Variants in POU6F2 observed in about 807,000 individuals in gnomAD.
POU6F2 encodes the protein POU domain, class 6, transcription factor 2.
POU6F2 carries 31 observed loss-of-function variants against 71.3 expected under a neutral mutation model. The ratio of observed to expected loss-of-function variants is 0.43; its 90% CI spans 0.33 to 0.59. The LOEUF is 0.59. Among genes scored for constraint, POU6F2 ranks in the 20% least tolerant of loss-of-function variants. The pLI, the probability that POU6F2 is intolerant of heterozygous loss-of-function variation, is 0.04. For missense variants in POU6F2, 783 were observed against 856.8 expected (o/e 0.91, Z 1.07); for synonymous variants, 347 against 355.7 (o/e 0.98, Z 0.27).
chr7:39,051,257 G>A (rs1329436822), intron 1 of POU6F2, among the ~76,000 whole-genome samples: 1 of 152,086 alleles, frequency 6.6e-6, no homozygotes, highest in African/African-American at 2.4e-5. Context: ...ACACCAAGGG[G>A]CAAAGCTGAT....
Position 39,451,608 on chromosome 7 carries a change from G to T in POU6F2, c.1396G>T (p.Ala466Ser). ...CCTTCTGCACCTGGCTCACAGCCAA[G>T]CATCCATGTCTCAAAGTCCCGTCCG... is the stretch of plus-strand genomic sequence containing the variant. Reference protein sequence around the residue: ...GNLLHLAHSQASMSQSPVRQA... With the variant: ...GNLLHLAHSQSSMSQSPVRQA... Residue 466 changes from alanine to serine, a missense_variant, in exon 8 of 10, where the codon GCA (alanine) becomes TCA (serine). Physicochemically the swap from Ala to Ser is moderately conservative, Grantham distance 99. Transcript: ENST00000518318. The T allele has an allele frequency of 1.2e-6, 2 of 1,613,776 alleles. No individual in the cohort carries two copies. The highest frequency in any genetic ancestry group is 1.7e-6 in the Non-Finnish European group (2 of 1,179,784).
At chr7:39,276,604 T>C (rs1784444399) in intron 4 of POU6F2, among the ~76,000 whole-genome samples, 1 of 151,444 alleles carries the variant, frequency 6.6e-6, no homozygotes, top group Non-Finnish European at 1.5e-5. Flanking sequence ...CATGCACACG[T>C]ATGTTTATTG....
At chr7:39,005,850 T>C (rs146910466) in intron 1 of POU6F2, among the ~76,000 whole-genome samples, 50 of 152,268 alleles carry the variant, frequency 3.3e-4, no homozygotes, top group Middle Eastern at 3.4e-3. Context: ...CCAGAAACAA[T>C]TGGACCTTTT....
At chr7:39,404,734 A>G (rs1419731773) in intron 5 of POU6F2, 1 of 152,184 alleles carries the variant, frequency 6.6e-6, no homozygotes. Context: ...ACCAATGGGC[A>G]GTGTCTGTAC....
Position 39,221,437 on chromosome 7 carries a change from C to A in POU6F2, c.598+13817C>A, listed in dbSNP as rs558431356. 3.0e-5 allele frequency among the ~76,000 whole-genome samples: 4 copies of A among 131,302 alleles called. No individual in the cohort carries two copies. In the South Asian group the frequency reaches 1.0e-3, roughly 33 times the overall value. 86.1% of individuals were successfully genotyped at this position (131,302 alleles called of 152,430 possible). Reference sequence around the variant, plus strand: ...ACAGTGTCTCGCTCTGTCCTCCAGACTGGAGTGCGGTGGCATGATCTCAGC... The same window carrying A: ...ACAGTGTCTCGCTCTGTCCTCCAGAATGGAGTGCGGTGGCATGATCTCAGC... On this transcript the variant is annotated intron_variant, in intron 4 of 9. Coordinates refer to ENST00000518318, the MANE Select transcript of POU6F2 (RefSeq NM_001370959.1).
intron 4 of POU6F2, among the ~76,000 whole-genome samples, chr7:39,280,170 G>T (rs375214552): frequency 6.6e-6 from 1 of 152,172 alleles, no homozygotes; most frequent in Non-Finnish European, 1.5e-5. Context: ...AGGTACTGAC[G>T]TCAAGACTTC....
At chr7:38,995,822 T>G (rs951691770) in intron 1 of POU6F2, among the ~76,000 whole-genome samples, 2 of 152,220 alleles carry the variant, frequency 1.3e-5, no homozygotes, top group African/African-American at 4.8e-5. Context: ...ATGTAGAGAA[T>G]GAAGCACAGT....
intron 7 of POU6F2, among the ~76,000 whole-genome samples, chr7:39,438,545 A>C (rs546129947): frequency 6.6e-6 from 1 of 152,378 alleles, no homozygotes; most frequent in African/African-American, 2.4e-5. Context: ...ATCATTAAAA[A>C]GTCAGGAAAC....
chr7:38,983,610 C>T (rs1295226607), intron 1 of POU6F2, among the ~76,000 whole-genome samples: 2 of 152,052 alleles, frequency 1.3e-5, no homozygotes, highest in African/African-American at 4.8e-5. Flanking sequence ...CACTACATTT[C>T]AGTAAAGATT....
chr7:39,147,329 T>C (rs187204677), intron 2 of POU6F2, among the ~76,000 whole-genome samples: 10 of 152,300 alleles, frequency 6.6e-5, no homozygotes, highest in Non-Finnish European at 1.3e-4. Context: ...AAGTATAACA[T>C]AATCAAGTGA....
chr7:39,304,708 A>G (rs989715344), intron 4 of POU6F2, among the ~76,000 whole-genome samples: 7 of 152,234 alleles, frequency 4.6e-5, no homozygotes, highest in African/African-American at 1.4e-4. Context: ...GTACGCACAC[A>G]CAGCATTCCT....
intron 1 of POU6F2, among the ~76,000 whole-genome samples, chr7:39,016,565 T>C (rs1789553918): frequency 6.6e-6 from 1 of 152,132 alleles, no homozygotes; most frequent in Non-Finnish European, 1.5e-5. Context: ...CCCCCCCGCT[T>C]ACAGTTCAGT....
intron 4 of POU6F2, among the ~76,000 whole-genome samples, chr7:39,244,112 G>A (rs1373615912): frequency 1.3e-5 from 2 of 152,022 alleles, no homozygotes; most frequent in African/African-American, 4.8e-5. Flanking sequence ...GAGGAAGTGG[G>A]ACTACAAAAT....
At chr7:39,310,586 A>G (rs1785143608) in intron 4 of POU6F2, among the ~76,000 whole-genome samples, 1 of 152,242 alleles carries the variant, frequency 6.6e-6, no homozygotes, top group Non-Finnish European at 1.5e-5. Context: ...TAAAATTAAG[A>G]AAACACCATT....
intron 2 of POU6F2, among the ~76,000 whole-genome samples, chr7:39,189,257 A>T (rs1793607398): frequency 6.6e-6 from 1 of 152,252 alleles, no homozygotes; most frequent in Non-Finnish European, 1.5e-5. Context: ...GCCTGAAGAC[A>T]GACAAAAAAC....
intron 4 of POU6F2, among the ~76,000 whole-genome samples, chr7:39,288,901 A>G (rs1784697392): frequency 6.6e-6 from 1 of 152,212 alleles, no homozygotes; most frequent in African/African-American, 2.4e-5. Flanking sequence ...ACCAAGAGGT[A>G]TTCAAAGATT....
chr7:39,131,901 T>C (rs1364366590), intron 2 of POU6F2, among the ~76,000 whole-genome samples: 1 of 152,186 alleles, frequency 6.6e-6, no homozygotes, highest in Non-Finnish European at 1.5e-5. Flanking sequence ...TGTGTATCTT[T>C]ATGGGGTGCA....
chr7:38,987,119 CATAA>C (rs1474878772), intron 1 of POU6F2, among the ~76,000 whole-genome samples: 2 of 152,070 alleles, frequency 1.3e-5, no homozygotes, highest in African/African-American at 4.8e-5. Context: ...CAGAAGAACT[CATAA>C]ATAGTGTCTC....
At chr7:38,985,991 C>T (rs572424645) in intron 1 of POU6F2, among the ~76,000 whole-genome samples, 16 of 152,032 alleles carry the variant, frequency 1.1e-4, no homozygotes, top group Middle Eastern at 3.4e-3. Context: ...TTCCTAGTGA[C>T]GAAAGAATTT....
Sources: allele counts gnomAD v4.1 joint callset (sites outside exome capture counted in the v4.1 genomes callset), GRCh38; gene constraint gnomAD v4.1.1; transcripts MANE v1.5; gene names NCBI Gene and HGNC (gene_info 2026-07-23, HGNC 2026-07-21).